The following CSMD1 variants were observed in gnomAD, a reference collection of about 807,000 sequenced individuals.
CSMD1 encodes CUB and sushi domain-containing protein 1.
In CSMD1, 213 loss-of-function variants were observed where a neutral mutation model predicts 417.5. That is an observed-to-expected ratio of 0.51 (90% CI 0.46 to 0.57). The LOEUF (loss-of-function observed/expected upper bound fraction) is 0.57. Among genes scored for constraint, CSMD1 ranks in the 20% least tolerant of loss-of-function variants. The pLI, the probability that CSMD1 is intolerant of heterozygous loss-of-function variation, is 0.00. For synonymous variants in CSMD1, 2,862 were observed against 1,736.8 expected, an observed-to-expected ratio of 1.65 and a Z score of -16.11; for missense variants, 6,923 against 4,529.7, an observed-to-expected ratio of 1.53 and a Z score of -15.17.
chr8:4,072,915 G>T (rs907536243), intron 3 of CSMD1, among the ~76,000 whole-genome samples: 1 of 152,048 alleles, frequency 6.6e-6, no homozygotes, highest in Non-Finnish European at 1.5e-5. Context: ...ACACAACCTT[G>T]GATATTACCA....
chr8:4,800,862 T>A (rs953561646), intron 1 of CSMD1, among the ~76,000 whole-genome samples: 3 of 152,224 alleles, frequency 2.0e-5, no homozygotes, highest in Admixed American at 1.3e-4. Flanking sequence ...ACCTCAACTT[T>A]AATTCTTCCC....
chr8:3,687,690 C>T (rs75644136), intron 7 of CSMD1, among the ~76,000 whole-genome samples: 2,168 of 152,280 alleles, frequency 0.014, 127 homozygotes, highest in Admixed American at 0.091. Context: ...TGAGCCCCAC[C>T]GTGCTAACTG....
chr8:3,705,289 T>C (rs1366326586), intron 7 of CSMD1, among the ~76,000 whole-genome samples: 1 of 152,162 alleles, frequency 6.6e-6, no homozygotes, highest in Admixed American at 6.5e-5. Context: ...AGCTGTGACC[T>C]CTGATTTTTG....
At chr8:4,269,207 C>G (rs902880836) in intron 3 of CSMD1, among the ~76,000 whole-genome samples, 1 of 152,106 alleles carries the variant, frequency 6.6e-6, no homozygotes, top group African/African-American at 2.4e-5. Flanking sequence ...CAGACCCGAG[C>G]CACCACACCC....
intron 3 of CSMD1, among the ~76,000 whole-genome samples, chr8:4,356,661 A>T (rs1801449465): frequency 6.6e-6 from 1 of 152,114 alleles, no homozygotes; most frequent in Non-Finnish European, 1.5e-5. Flanking sequence ...GTTCACATAC[A>T]CCTGTTAGTG....
intron 49 of CSMD1, among the ~76,000 whole-genome samples, chr8:3,080,936 C>CA (rs112825842): frequency 0.036 from 5,442 of 150,496 alleles, 146 homozygotes; most frequent in African/African-American, 0.079. Context: ...ATGTCATTGG[C>CA]AAAAAAAAGT....
chr8:4,646,576 G>T (rs369316998), intron 1 of CSMD1, among the ~76,000 whole-genome samples: 4 of 152,138 alleles, frequency 2.6e-5, no homozygotes, highest in Admixed American at 2.0e-4. Flanking sequence ...CTGGGTGTTC[G>T]CATATACAAA....
Position 4,974,354 on chromosome 8 carries a change from G to A in CSMD1, c.85+19978C>T, listed in dbSNP as rs541956512. Among the ~76,000 whole-genome samples the A allele has an allele frequency of 5.3e-5, 8 of 151,912 alleles. No individual in the cohort carries two copies. In the South Asian group the frequency reaches 8.3e-4, roughly 16 times the overall value. ...ACAGTCTCACAATGTCTCACATGTC[G>A]GTTAGCACTTAGCTGCAATATTAAA... is the stretch of plus-strand genomic sequence containing the variant. On this transcript the variant is annotated intron_variant, in intron 1 of 69. Coordinates refer to ENST00000635120, the MANE Select transcript of CSMD1 (RefSeq NM_033225.6).
At chr8:3,696,056 T>A (rs1233753122) in intron 7 of CSMD1, among the ~76,000 whole-genome samples, 1 of 151,970 alleles carries the variant, frequency 6.6e-6, no homozygotes, top group African/African-American at 2.4e-5. Context: ...AAAAAGCTGT[T>A]AAGATTTTCT....
chr8:3,700,281 A>T (rs1800782986), intron 7 of CSMD1, among the ~76,000 whole-genome samples: 1 of 152,224 alleles, frequency 6.6e-6, no homozygotes, highest in Non-Finnish European at 1.5e-5. Context: ...AATTTTTTAC[A>T]AAAGAAAATA....
intron 6 of CSMD1, among the ~76,000 whole-genome samples, chr8:3,719,690 T>C (rs749362669): frequency 2.0e-5 from 3 of 152,170 alleles, no homozygotes; most frequent in East Asian, 1.9e-4. Flanking sequence ...GTCATTCACA[T>C]AGAACACACT....
chr8:3,994,508 T>C (rs1455833803), intron 5 of CSMD1, among the ~76,000 whole-genome samples: 1 of 149,156 alleles, frequency 6.7e-6, no homozygotes. Flanking sequence ...TCCTTCCTAA[T>C]TGCAAGAAAA....
At chr8:3,450,001 G>A (rs776064664) in intron 12 of CSMD1, among the ~76,000 whole-genome samples, 4 of 152,186 alleles carry the variant, frequency 2.6e-5, no homozygotes, top group Non-Finnish European at 4.4e-5. Flanking sequence ...GGGAGAGAGG[G>A]TCACCAGCTC....
At chr8:4,912,122 C>CAAAAAAAAAAAAAAAAAAAAA (rs36194482) in intron 1 of CSMD1, among the ~76,000 whole-genome samples, 28 of 84,526 alleles carry the variant, frequency 3.3e-4, no homozygotes, top group Non-Finnish European at 5.6e-4. Context: ...AACATAGCTT[C>CAAAAAAAAAAAAAAAAAAAAA]AAAAAAAAAA....
At chr8:3,301,377 G>A (rs1308283761) in intron 25 of CSMD1, among the ~76,000 whole-genome samples, 1 of 152,094 alleles carries the variant, frequency 6.6e-6, no homozygotes, top group Admixed American at 6.6e-5. Context: ...TCACAGAAGT[G>A]TGGGAGCTAG....
At chr8:4,755,987 T>C (rs1451849432) in intron 1 of CSMD1, among the ~76,000 whole-genome samples, 1 of 152,222 alleles carries the variant, frequency 6.6e-6, no homozygotes, top group Non-Finnish European at 1.5e-5. Flanking sequence ...TATGATGAAT[T>C]ATTTAGTATG....
At chr8:4,293,899 G>T (rs1018652550) in intron 3 of CSMD1, among the ~76,000 whole-genome samples, 1 of 151,820 alleles carries the variant, frequency 6.6e-6, no homozygotes, top group Non-Finnish European at 1.5e-5. Context: ...TTTGATAGAG[G>T]GATGTCCTAT....
chr8:3,708,936 T>A (rs1801335534), intron 6 of CSMD1, among the ~76,000 whole-genome samples: 1 of 152,106 alleles, frequency 6.6e-6, no homozygotes, highest in Non-Finnish European at 1.5e-5. Flanking sequence ...ATATATTCAT[T>A]TACTCACAGT....
chr8:3,577,115 C>T (rs1800181955), intron 9 of CSMD1, among the ~76,000 whole-genome samples: 1 of 152,174 alleles, frequency 6.6e-6, no homozygotes, highest in South Asian at 2.1e-4. Flanking sequence ...CAGATGTTCC[C>T]AGCCGGAAAG....
Sources: gnomAD v4.1 joint callset for allele counts (sites outside exome capture counted in the v4.1 genomes callset) on GRCh38, gnomAD v4.1.1 for gene constraint, MANE v1.5 for transcripts, NCBI Gene and HGNC (gene_info 2026-07-23, HGNC 2026-07-21) for gene names.